Variants in USP3 observed in about 807,000 individuals in gnomAD.
USP3 encodes ubiquitin carboxyl-terminal hydrolase 3.
In USP3, 20 loss-of-function variants were observed where a neutral mutation model predicts 72.3. That is an observed-to-expected ratio of 0.28 (90% CI 0.19 to 0.40). The LOEUF is 0.40. Among genes scored for constraint, USP3 ranks in the 10% least tolerant of loss-of-function variants. The probability of loss-of-function intolerance (pLI) is 1.00; values close to 1 mark genes in which losing one functional copy is unlikely to be tolerated. For missense variants in USP3, 479 were observed against 633.9 expected, an observed-to-expected ratio of 0.76 and a Z score of 2.62; for synonymous variants, 222 against 225.3, an observed-to-expected ratio of 0.99 and a Z score of 0.13.
Position 63,580,554 on chromosome 15 carries a change from T to C in USP3, c.1096+6151T>C, listed in dbSNP as rs1053521452. 8.5e-4 allele frequency among the ~76,000 whole-genome samples: 127 copies of C among 150,000 alleles called. 1 individual carries two copies. The highest frequency in any genetic ancestry group is 2.9e-3 in the African/African-American group (120 of 40,870). On this transcript the variant is annotated intron_variant, in intron 11 of 14. Coordinates refer to ENST00000380324, the MANE Select transcript of USP3 (RefSeq NM_006537.4). Reference sequence around the variant, plus strand: ...CCTGCTTTCCATAGAGATGCTGTTTTAACAGTTTATATCATGTGGAAGACT... The same window carrying C: ...CCTGCTTTCCATAGAGATGCTGTTTCAACAGTTTATATCATGTGGAAGACT...
chr15:63,560,993 A>G (rs538608458), intron 7 of USP3, among the ~76,000 whole-genome samples: 5 of 152,266 alleles, frequency 3.3e-5, no homozygotes, highest in African/African-American at 1.2e-4. Flanking sequence ...TGTCAGAATA[A>G]TGGGCAGTAG....
chr15:63,568,349 A>C (rs1044744945), intron 8 of USP3, among the ~76,000 whole-genome samples: 1 of 116,616 alleles, frequency 8.6e-6, no homozygotes, highest in Non-Finnish European at 1.9e-5. Context: ...GCGAGACTCC[A>C]TCTAAAAAAA....
intron 11 of USP3, among the ~76,000 whole-genome samples, chr15:63,580,583 G>A (rs1307627572): frequency 1.4e-5 from 2 of 144,078 alleles, no homozygotes; most frequent in East Asian, 1.9e-4. Flanking sequence ...GAAGACTGAC[G>A]GTTGTGAAAT....
rs1020773056 is a variant in USP3 at position 63,570,016 on chromosome 15, G to A, written c.762-417G>A. Among the ~76,000 whole-genome samples the A allele has an allele frequency of 3.9e-5, 6 of 152,176 alleles. 1 individual carries two copies. The South Asian group carries it at 1.2e-3, about 32-fold the overall frequency. The stretch of plus-strand genomic sequence containing the variant: ...TGGTTTTCTAGTGAGGGTAAGAGGT[G>A]AAGCTATGACATTGGAGCATCTTCT... On this transcript the variant is annotated intron_variant, in intron 8 of 14. Coordinates refer to ENST00000380324, the MANE Select transcript of USP3 (RefSeq NM_006537.4). This position sits in a 1 kb window ranked among gnomAD's most constrained non-coding sequence, Gnocchi z 4.4.
intron 11 of USP3, among the ~76,000 whole-genome samples, chr15:63,580,805 G>T (rs1022542565): frequency 6.6e-6 from 1 of 151,712 alleles, no homozygotes; most frequent in African/African-American, 2.4e-5. Context: ...TGTGAACACT[G>T]GATAGCTAGT....
rs1275646652 is a variant in USP3, at chr15:63,593,641, A to C, written c.*2815A>C. The C allele has an allele frequency of 6.6e-6, 1 of 152,250 alleles. No homozygotes were observed. Among genetic ancestry groups the C allele is most frequent in the African/African-American group, 2.4e-5 (1 of 41,460 alleles). 9.4% of individuals were successfully genotyped at this position (152,250 alleles called of 1,614,324 possible). ...GAACAGAAACGTTTGAATGGTGTGA[A>C]GATTCTTTAGAAAAGTGATTGGATC... On this transcript the variant is annotated 3_prime_UTR_variant, in exon 15 of 15. Transcript: ENST00000380324.
At chr15:63,550,542 CA>C (rs1299052459) in intron 3 of USP3, among the ~76,000 whole-genome samples, 1 of 152,154 alleles carries the variant, frequency 6.6e-6, no homozygotes, top group African/African-American at 2.4e-5. Context: ...TTTAAGGCTG[CA>C]AATAGATGAA....
chr15:63,557,567 T>C (rs2066533681), intron 5 of USP3, among the ~76,000 whole-genome samples: 1 of 152,164 alleles, frequency 6.6e-6, no homozygotes, highest in African/African-American at 2.4e-5. Flanking sequence ...CCAGCCTTTT[T>C]GTATTTTTAG....
At chr15:63,533,233 G>A (rs796690375) in intron 2 of USP3, among the ~76,000 whole-genome samples, 12 of 152,176 alleles carry the variant, frequency 7.9e-5, no homozygotes, top group African/African-American at 2.9e-4. Context: ...AATATTTACA[G>A]ATAAACGAAT....
Position 63,590,681 on chromosome 15 carries a change from C to T in USP3, c.1418C>T (p.Thr473Ile). Residue 473 changes from threonine to isoleucine, a missense_variant, in exon 15 of 15, where the codon ACA becomes ATA. Coordinates refer to ENST00000380324, the MANE Select transcript of USP3 (RefSeq NM_006537.4). ...HGSGVGSGHY[T>I]AYATHEGRWF... Reference sequence around the variant, plus strand: ...TACAGGGTTGGTTCTGGACATTACACAGCATACGCAACTCACGAAGGCCGC... The same window carrying T: ...TACAGGGTTGGTTCTGGACATTACATAGCATACGCAACTCACGAAGGCCGC... 6.2e-7 allele frequency: 1 copy of T among 1,611,116 alleles called. No individual in the cohort carries two copies. The highest frequency in any genetic ancestry group is 2.2e-5 in the East Asian group (1 of 44,784).
chr15:63,549,010 T>C (rs548265848), intron 3 of USP3, among the ~76,000 whole-genome samples: 77 of 152,288 alleles, frequency 5.1e-4, no homozygotes, highest in Non-Finnish European at 1.0e-3. Context: ...TAATTTAAAA[T>C]ATTTTAGTAG....
intron 1 of USP3, among the ~76,000 whole-genome samples, chr15:63,518,688 C>T (rs1176456706): frequency 6.6e-6 from 1 of 152,154 alleles, no homozygotes; most frequent in East Asian, 1.9e-4. Flanking sequence ...TATATATTTA[C>T]TCTCTGTTTA....
intron 1 of USP3, among the ~76,000 whole-genome samples, chr15:63,520,554 A>ATTTT (rs35244583): frequency 5.7e-5 from 6 of 105,422 alleles, no homozygotes; most frequent in African/African-American, 1.1e-4. Context: ...TCTGTTTTAG[A>ATTTT]TTTTTTTTTT....
intron 8 of USP3, among the ~76,000 whole-genome samples, chr15:63,564,044 AAAGGCAGG>A (rs1294894869): frequency 1.3e-5 from 2 of 152,222 alleles, no homozygotes; most frequent in African/African-American, 4.8e-5. Context: ...TTTAAGAAGG[AAAGGCAGG>A]AATGACAGTT....
At position 63,574,668 on chromosome 15, in the gene USP3, A is replaced by G. The variant is rs1320703986; in HGVS notation, c.1096+265A>G. Among the ~76,000 whole-genome samples the G allele has an allele frequency of 6.6e-6, 1 of 152,216 alleles. No individual in the cohort carries two copies. Among genetic ancestry groups the G allele is most frequent in the Non-Finnish European group, 1.5e-5 (1 of 68,022 alleles). On this transcript the variant is annotated intron_variant, in intron 11 of 14. Coordinates refer to ENST00000380324, the MANE Select transcript of USP3 (RefSeq NM_006537.4). The surrounding 1 kb of genome is among the most constrained non-coding windows in gnomAD (Gnocchi z 4.6). The stretch of plus-strand genomic sequence containing the variant: ...ACTTTAAAATAGAAGGTCTGTAGCA[A>G]AAGTTTTTCTGACCAAATGAAACAG...
chr15:63,563,058 T>C (rs767458383), intron 8 of USP3, 50 bp downstream of exon 8: 1 of 1,265,640 alleles, frequency 7.9e-7, no homozygotes, highest in South Asian at 1.5e-5. Context: ...GTGTTTATAC[T>C]GTTCCTGAAA....
At chr15:63,542,240 T>A in intron 3 of USP3, 1 of 967,738 alleles carries the variant, frequency 1.0e-6, no homozygotes, top group Non-Finnish European at 1.2e-6. Context: ...TTATTCAGTA[T>A]GGTAGCAATT....
At chr15:63,508,249 G>A (rs1199919749) in intron 1 of USP3, among the ~76,000 whole-genome samples, 1 of 152,212 alleles carries the variant, frequency 6.6e-6, no homozygotes, top group Non-Finnish European at 1.5e-5. Flanking sequence ...ATAGTTAACA[G>A]TTAAGGATAC....
intron 2 of USP3, among the ~76,000 whole-genome samples, chr15:63,534,257 T>C (rs990163752): frequency 3.9e-5 from 6 of 152,178 alleles, no homozygotes; most frequent in African/African-American, 1.4e-4. Context: ...TAATATTCTT[T>C]TATCATGTAA....
Sources: allele counts gnomAD v4.1 joint callset (sites outside exome capture counted in the v4.1 genomes callset), GRCh38; gene constraint gnomAD v4.1.1; non-coding constraint Gnocchi (gnomAD v3.1); transcripts MANE v1.5; gene names NCBI Gene and HGNC (gene_info 2026-07-23, HGNC 2026-07-21).